VPS13C: variants seen among roughly 807,000 people sequenced by gnomAD.
VPS13C encodes the protein intermembrane lipid transfer protein VPS13C.
VPS13C carries 358 observed loss-of-function variants against 456.8 expected under a neutral mutation model. The observed-to-expected ratio is 0.78, with a 90% CI of 0.72 to 0.86. The LOEUF (loss-of-function observed/expected upper bound fraction) is 0.86. Among genes scored for constraint, VPS13C ranks in the 40% least tolerant of loss-of-function variants. VPS13C has a pLI of 0.00. For missense variants in VPS13C, 4,818 were observed against 4,385.4 expected, an observed-to-expected ratio of 1.10 and a Z score of -2.79; for synonymous variants, 1,578 against 1,486.7, an observed-to-expected ratio of 1.06 and a Z score of -1.41.
intron 82 of VPS13C, among the ~76,000 whole-genome samples, chr15:61,860,857 G>T (rs1894182002): frequency 6.6e-6 from 1 of 151,506 alleles, no homozygotes. Context: ...AGAATGAAAG[G>T]AATAGCTATT....
At chr15:62,056,623 TGTGGAGGGCCTGACATCA>T (rs1340779954) in intron 1 of VPS13C, among the ~76,000 whole-genome samples, 6 of 152,054 alleles carry the variant, frequency 3.9e-5, no homozygotes, top group African/African-American at 1.4e-4. Flanking sequence ...CTCCACCTCT[TGTGGAGGGCCTGACATCA>T]GTCAGGCTTG....
chr15:61,932,713 T>C (rs146396055), intron 49 of VPS13C, among the ~76,000 whole-genome samples: 1 of 152,284 alleles, frequency 6.6e-6, no homozygotes, highest in African/African-American at 2.4e-5. Flanking sequence ...TGGGTCAGAA[T>C]GACATTATTA....
intron 10 of VPS13C, 24 bp from the exon 11 acceptor site, chr15:62,013,143 T>G (rs775852115): frequency 6.5e-7 from 1 of 1,544,144 alleles, no homozygotes; most frequent in South Asian, 1.2e-5. Context: ...ATGAAAGAGA[T>G]CAGGCAATCA....
rs12101893 is a variant in VPS13C at position 62,039,465 on chromosome 15, A to G, written c.187+1859T>C. On this transcript the variant is annotated intron_variant, in intron 3 of 84. Coordinates refer to ENST00000644861, the MANE Select transcript of VPS13C (RefSeq NM_020821.3). ...GACATTGCCAGGACAAGTAAGAGAT[A>G]AGGAATTAACAACCAGAATATATAA... Among the ~76,000 whole-genome samples the G allele has an allele frequency of 1.7e-3, 260 of 152,268 alleles. 1 individual carries two copies. Among genetic ancestry groups the G allele is most frequent in the African/African-American group, 6.0e-3 (248 of 41,572 alleles).
rs183011373 is a variant in VPS13C at position 62,032,187 on chromosome 15, T to C, written c.385+1254A>G. 1.6e-3 allele frequency among the ~76,000 whole-genome samples: 245 copies of C among 151,930 alleles called. 2 individuals carry two copies. Among genetic ancestry groups the C allele is most frequent in the African/African-American group, 5.8e-3 (239 of 41,538 alleles). On this transcript the variant is annotated intron_variant, in intron 5 of 84. Transcript: ENST00000644861. ...AAGAAAAAGTGAAATTCTAGTGCTC[T>C]CCAATTCTTAGCCTTCATTTTTATG...
chr15:61,998,108 G>T (rs2046455313), intron 16 of VPS13C, among the ~76,000 whole-genome samples: 1 of 152,124 alleles, frequency 6.6e-6, no homozygotes, highest in African/African-American at 2.4e-5. Context: ...TTTCCTGAAT[G>T]AGCCAGGTAT....
In VPS13C at chr15:62,060,311, G is replaced by A. The variant is rs1254476108; in HGVS notation, c.64C>T (p.Leu22=). The change falls in exon 1 of 85, where the codon CTG becomes TTG. Residue 22 remains leucine (L), a synonymous_variant. Transcript: ENST00000644861. ...NRFLGDYVEN[L]NKSQLKLGIW... ...CCCAGCTTCAGCTGGGACTTGTTCA[G>A]GTTCTCCACATAGTCCCCCAGGAAG... The A allele has an allele frequency of 6.2e-7, 1 of 1,607,938 alleles. No homozygotes were observed.
At chr15:61,899,292 T>C (rs2042925241) in intron 66 of VPS13C, among the ~76,000 whole-genome samples, 1 of 119,976 alleles carries the variant, frequency 8.3e-6, no homozygotes, top group Non-Finnish European at 1.7e-5. Flanking sequence ...AAAAAACCCT[T>C]CAAAAAATTA....
At chr15:61,973,224 A>G (rs1320979635) in intron 26 of VPS13C, among the ~76,000 whole-genome samples, 1 of 152,174 alleles carries the variant, frequency 6.6e-6, no homozygotes, top group African/African-American at 2.4e-5. Context: ...TAGAATCTTA[A>G]GTAAGCATTG....
intron 14 of VPS13C, among the ~76,000 whole-genome samples, 158 bp downstream of exon 14, chr15:62,008,497 T>A (rs192638561): frequency 2.0e-5 from 3 of 152,350 alleles, no homozygotes; most frequent in Admixed American, 2.0e-4. Flanking sequence ...AAGCTGTTTT[T>A]ATAAGTAATC....
chr15:61,866,571 A>G, intron 81 of VPS13C: 1 of 985,136 alleles, frequency 1.0e-6, no homozygotes, highest in Non-Finnish European at 1.2e-6. Context: ...CAGCATCTTG[A>G]ATTAGTTATT....
intron 50 of VPS13C, 84 bp from the exon 51 acceptor site, chr15:61,929,832 T>A (rs1209876436): frequency 7.7e-7 from 1 of 1,300,540 alleles, no homozygotes; most frequent in Non-Finnish European, 1.0e-6. Flanking sequence ...CTCAATAATC[T>A]TTATTTCACC....
chr15:62,059,599 G>A (rs2048920512), intron 1 of VPS13C, among the ~76,000 whole-genome samples: 1 of 152,180 alleles, frequency 6.6e-6, no homozygotes, highest in Non-Finnish European at 1.5e-5. Flanking sequence ...GATGCTGGTC[G>A]AGGCTTGAAT....
At chr15:61,995,062 C>G (rs2046338941) in intron 16 of VPS13C, among the ~76,000 whole-genome samples, 2 of 152,208 alleles carry the variant, frequency 1.3e-5, no homozygotes, top group Admixed American at 1.3e-4. Flanking sequence ...TCATACTGTT[C>G]CTACTCACTG....
chr15:62,033,098 A>G lies in VPS13C; in HGVS notation c.385+343T>C, dbSNP rs2140647439. ...TGCTTAACCTCATTATCCAGCAAGAACACGGGTAAACATGCACACAAAGAA... is the reference window on the plus strand; with the variant it reads ...TGCTTAACCTCATTATCCAGCAAGAGCACGGGTAAACATGCACACAAAGAA... On this transcript the variant is annotated intron_variant, in intron 5 of 84. Coordinates refer to ENST00000644861, the MANE Select transcript of VPS13C (RefSeq NM_020821.3). Among the ~76,000 whole-genome samples the G allele has an allele frequency of 2.0e-5, 3 of 151,850 alleles. No homozygotes were observed. In the South Asian group the frequency reaches 6.2e-4, roughly 31 times the overall value.
At chr15:61,890,103 C>T (rs765952443) in intron 67 of VPS13C, 62 bp downstream of exon 67, 11 of 1,474,972 alleles carry the variant, frequency 7.5e-6, no homozygotes, top group Middle Eastern at 1.9e-4. Flanking sequence ...TTCTTCAAAT[C>T]GGCTATTATG....
At chr15:61,925,232 G>C (rs1233443462) in intron 53 of VPS13C, among the ~76,000 whole-genome samples, 1 of 150,828 alleles carries the variant, frequency 6.6e-6, no homozygotes, top group Non-Finnish European at 1.5e-5. Flanking sequence ...AAACTACCCT[G>C]ATCATTTGTA....
At chr15:62,009,050 A>G (rs921418465) in intron 13 of VPS13C, among the ~76,000 whole-genome samples, 21 of 152,160 alleles carry the variant, frequency 1.4e-4, no homozygotes, top group African/African-American at 4.3e-4. Context: ...ATATATACAC[A>G]TCCTATTTTC....
chr15:61,986,530 C>T (rs1156869255), intron 18 of VPS13C, among the ~76,000 whole-genome samples: 2 of 151,958 alleles, frequency 1.3e-5, no homozygotes, highest in Non-Finnish European at 2.9e-5. Flanking sequence ...CCACTATGTA[C>T]ATTAGAAGAA....
Sources: gnomAD v4.1 joint callset for allele counts (sites outside exome capture counted in the v4.1 genomes callset) on GRCh38, gnomAD v4.1.1 for gene constraint, MANE v1.5 for transcripts, NCBI Gene and HGNC (gene_info 2026-07-23, HGNC 2026-07-21) for gene names.